The following CHL1 variants were observed in gnomAD, a reference collection of about 807,000 sequenced individuals.
CHL1 encodes the protein cell adhesion molecule L1 like, also known as neural cell adhesion molecule L1-like protein.
CHL1 carries 96 observed loss-of-function variants against 141.9 expected under a neutral mutation model. The observed-to-expected ratio is 0.68, with a 90% CI of 0.57 to 0.80. The LOEUF is 0.80. CHL1 is among the 30% of genes least tolerant of loss of function. The pLI, the probability that CHL1 is intolerant of heterozygous loss-of-function variation, is 0.00. For missense variants in CHL1, 1,820 were observed against 1,457.2 expected, an observed-to-expected ratio of 1.25 and a Z score of -4.05; for synonymous variants, 613 against 502.2, an observed-to-expected ratio of 1.22 and a Z score of -2.95.
chr3:343,355 AG>A (rs1336809246), intron 8 of CHL1, among the ~76,000 whole-genome samples: 2 of 152,218 alleles, frequency 1.3e-5, no homozygotes, highest in African/African-American at 4.8e-5. Context: ...TTTTGCAGAA[AG>A]AAAAGAAATG....
intron 1 of CHL1, among the ~76,000 whole-genome samples, chr3:234,993 C>CTATTAT (rs67249915): frequency 0.056 from 8,366 of 148,294 alleles, 249 homozygotes; most frequent in Non-Finnish European, 0.073. Flanking sequence ...TTTTTTATTA[C>CTATTAT]TATTATTATT....
intron 2 of CHL1, among the ~76,000 whole-genome samples, chr3:280,931 ACACG>A (rs1696589726): frequency 6.6e-6 from 1 of 151,352 alleles, no homozygotes. Context: ...ACACACACAC[ACACG>A]CACACACAAC....
At chr3:388,812 C>G (rs1471317017) in intron 19 of CHL1, among the ~76,000 whole-genome samples, 1 of 152,168 alleles carries the variant, frequency 6.6e-6, no homozygotes, top group African/African-American at 2.4e-5. Context: ...AGAAAGAGTT[C>G]TCTTCAAAAA....
At chr3:334,902 T>A (rs1321432975) in intron 5 of CHL1, among the ~76,000 whole-genome samples, 1 of 152,216 alleles carries the variant, frequency 6.6e-6, no homozygotes. Flanking sequence ...TGTATTATAT[T>A]TATTTCATTG....
chr3:354,808 G>A lies in CHL1; in HGVS notation c.1165+37G>A, dbSNP rs757260428. On this transcript the variant is annotated intron_variant, in intron 11 of 27. Transcript: ENST00000256509. ...AACCAATTGCAATGCAATGCTGAAG[G>A]CCCTGGTTTGACGGGATTAATGATG... 81 of 1,609,226 alleles carry A rather than the reference G, an allele frequency of 5.0e-5. No homozygotes were observed. The East Asian group carries it at 1.8e-3, about 35-fold the overall frequency.
chr3:327,948 A>G (rs1701136326), intron 4 of CHL1, among the ~76,000 whole-genome samples: 1 of 152,058 alleles, frequency 6.6e-6, no homozygotes. Context: ...AGCAAAAGCT[A>G]ATTTCAATCT....
intron 19 of CHL1, among the ~76,000 whole-genome samples, chr3:386,791 T>C (rs1035565355): frequency 6.6e-6 from 1 of 152,144 alleles, no homozygotes; most frequent in Admixed American, 6.6e-5. Flanking sequence ...CTACTGGCTT[T>C]AAAATGAAAA....
At chr3:402,591 C>T (rs1331875589) in intron 27 of CHL1, among the ~76,000 whole-genome samples, 1 of 152,140 alleles carries the variant, frequency 6.6e-6, no homozygotes, top group Non-Finnish European at 1.5e-5. Context: ...CTGATTGATC[C>T]TGATTCTCTC....
chr3:368,786 G>A (rs1370520432), intron 15 of CHL1, among the ~76,000 whole-genome samples: 2 of 152,114 alleles, frequency 1.3e-5, no homozygotes, highest in African/African-American at 4.8e-5. Flanking sequence ...TGTAAGGAAG[G>A]GGTTTACTTT....
chr3:217,292 G>T (rs945502508), intron 1 of CHL1, among the ~76,000 whole-genome samples: 1 of 152,106 alleles, frequency 6.6e-6, no homozygotes, highest in Non-Finnish European at 1.5e-5. Context: ...TGCATGTGTA[G>T]CTCTGATTCT....
intron 15 of CHL1, among the ~76,000 whole-genome samples, chr3:375,766 C>T (rs1391161727): frequency 6.6e-6 from 1 of 151,944 alleles, no homozygotes; most frequent in African/African-American, 2.4e-5. Context: ...TATTGTTATC[C>T]CCATTTTTCA....
At chr3:338,027 A>T (rs1364961278) in intron 5 of CHL1, among the ~76,000 whole-genome samples, 1 of 151,912 alleles carries the variant, frequency 6.6e-6, no homozygotes, top group African/African-American at 2.4e-5. Flanking sequence ...CCTCTCCAGC[A>T]CCTTTTTTTG....
chr3:333,364 C>T (rs1701615981), intron 5 of CHL1, among the ~76,000 whole-genome samples: 1 of 151,906 alleles, frequency 6.6e-6, no homozygotes, highest in Non-Finnish European at 1.5e-5. Context: ...TGGTTCTTCT[C>T]AAAGATTGAT....
At chr3:216,643 G>A (rs1161152170) in intron 1 of CHL1, among the ~76,000 whole-genome samples, 2 of 152,152 alleles carry the variant, frequency 1.3e-5, no homozygotes, top group Non-Finnish European at 2.9e-5. Flanking sequence ...CTACCCATGG[G>A]TATTGGCAAT....
At chr3:271,660 C>A (rs1695647018) in intron 2 of CHL1, among the ~76,000 whole-genome samples, 1 of 152,040 alleles carries the variant, frequency 6.6e-6, no homozygotes, top group Non-Finnish European at 1.5e-5. Flanking sequence ...AGCCAGCGCG[C>A]AGAGCAGAGA....
chr3:393,462 A>C (rs954354640), intron 23 of CHL1, among the ~76,000 whole-genome samples: 11 of 152,076 alleles, frequency 7.2e-5, no homozygotes, highest in Non-Finnish European at 1.6e-4. Context: ...ATTGATCCGT[A>C]TGTGACATTT....
In CHL1 at chr3:406,423, A is replaced by G. The variant is rs1198547870; in HGVS notation, c.*712A>G. On this transcript the variant is annotated 3_prime_UTR_variant, in exon 28 of 28. Transcript: ENST00000256509. ...CTGTTTTTTTTTTTTTTCTTGGACT[A>G]AATTCAACTGCATGGAAGCGGTGGT... 1 of 151,338 alleles carries G rather than the reference A, an allele frequency of 6.6e-6. No homozygotes were observed. The highest frequency in any genetic ancestry group is 6.6e-5 in the Admixed American group (1 of 15,172). 9.4% of individuals were successfully genotyped at this position (151,338 alleles called of 1,614,324 possible).
intron 2 of CHL1, among the ~76,000 whole-genome samples, chr3:262,590 C>G (rs530778102): frequency 2.0e-5 from 3 of 152,042 alleles, no homozygotes; most frequent in Non-Finnish European, 4.4e-5. Context: ...GGGCAGGATT[C>G]ACACATTTAA....
At chr3:235,990 G>C (rs17011221) in intron 1 of CHL1, among the ~76,000 whole-genome samples, 7,524 of 152,204 alleles carry the variant, frequency 0.049, 314 homozygotes, top group African/African-American at 0.11. Flanking sequence ...GCTGGGATCT[G>C]AGTTTTCAGG....
Sources: gnomAD v4.1 joint callset for allele counts (sites outside exome capture counted in the v4.1 genomes callset) on GRCh38, gnomAD v4.1.1 for gene constraint, MANE v1.5 for transcripts, NCBI Gene and HGNC (gene_info 2026-07-23, HGNC 2026-07-21) for gene names.